RAPGEF5: variants seen among roughly 807,000 people sequenced by gnomAD.
RAPGEF5 encodes Rap guanine nucleotide exchange factor 5.
RAPGEF5 carries 65 observed loss-of-function variants against 125.2 expected under a neutral mutation model. The observed-to-expected ratio is 0.52, with a 90% CI of 0.43 to 0.64. The LOEUF is 0.64. RAPGEF5 is among the 30% of genes least tolerant of loss of function. RAPGEF5 has a pLI of 0.00. For synonymous variants in RAPGEF5, 391 were observed against 385.9 expected (o/e 1.01, Z -0.16); for missense variants, 958 against 1,048.1 (o/e 0.91, Z 1.19).
chr7:22,268,758 T>C (rs1349513602), intron 6 of RAPGEF5, among the ~76,000 whole-genome samples: 2 of 152,220 alleles, frequency 1.3e-5, no homozygotes, highest in Admixed American at 1.3e-4. Flanking sequence ...GCTTCCTCTT[T>C]TAATTTTCCA....
At position 22,125,528 on chromosome 7, in the gene RAPGEF5, C is replaced by T. The variant is rs1177349930; in HGVS notation, c.2536+76G>A. The stretch of plus-strand genomic sequence containing the variant: ...CTTTTCAATCTGTTTAAATTGATTA[C>T]CACCCAATACTTGTGACCACAGTTG... On this transcript the variant is annotated intron_variant, in intron 25 of 25. Transcript: ENST00000665637. 6 of 1,359,686 alleles carry T rather than the reference C, an allele frequency of 4.4e-6. No individual in the cohort carries two copies. In the African/African-American group the frequency reaches 7.2e-5, roughly 16 times the overall value. The allele number at this position is 1,359,686 out of a possible 1,614,324, so 84.2% of individuals were successfully genotyped here.
At chr7:22,263,834 TG>T (rs762180394) in intron 7 of RAPGEF5, among the ~76,000 whole-genome samples, 1 of 152,126 alleles carries the variant, frequency 6.6e-6, no homozygotes, top group African/African-American at 2.4e-5. Context: ...AAAAAATGTT[TG>T]GAAATAAAAT....
chr7:22,218,270 A>G (rs1454039742), intron 9 of RAPGEF5, among the ~76,000 whole-genome samples: 1 of 152,168 alleles, frequency 6.6e-6, no homozygotes, highest in East Asian at 1.9e-4. Context: ...TATCTTTTTA[A>G]TAAGTGCAAA....
chr7:22,124,865 C>CT (rs1427228492), intron 25 of RAPGEF5, among the ~76,000 whole-genome samples: 3 of 152,126 alleles, frequency 2.0e-5, no homozygotes, highest in African/African-American at 7.2e-5. Flanking sequence ...GTGAATCTCT[C>CT]TGAGTCTCTG....
chr7:22,158,615 A>C (rs1413109158), intron 14 of RAPGEF5, among the ~76,000 whole-genome samples: 1 of 152,146 alleles, frequency 6.6e-6, no homozygotes, highest in Non-Finnish European at 1.5e-5. Flanking sequence ...ATAATCTTAT[A>C]AAAATAGACA....
At chr7:22,181,160 C>A (rs967502124) in intron 11 of RAPGEF5, among the ~76,000 whole-genome samples, 1 of 151,970 alleles carries the variant, frequency 6.6e-6, no homozygotes, top group African/African-American at 2.4e-5. Flanking sequence ...ACAAAACATA[C>A]GACATGACAG....
intron 5 of RAPGEF5, among the ~76,000 whole-genome samples, chr7:22,301,614 CAAAAAAAAAAA>C (rs35404390): frequency 3.6e-5 from 3 of 83,798 alleles, no homozygotes; most frequent in East Asian, 6.6e-4. Flanking sequence ...GACTCTGTCT[CAAAAAAAAAAA>C]AAAAAAAAAA....
At chr7:22,300,080 T>C (rs889111815) in intron 5 of RAPGEF5, among the ~76,000 whole-genome samples, 3 of 152,164 alleles carry the variant, frequency 2.0e-5, no homozygotes, top group Admixed American at 1.3e-4. Flanking sequence ...ACCAATCTCT[T>C]TGTCCTCTCC....
chr7:22,265,549 CTGCAAT>C (rs1782261927), intron 7 of RAPGEF5, among the ~76,000 whole-genome samples: 1 of 152,122 alleles, frequency 6.6e-6, no homozygotes. Flanking sequence ...GTGAACAGCG[CTGCAAT>C]AAATATGGGA....
intron 20 of RAPGEF5, among the ~76,000 whole-genome samples, chr7:22,143,063 T>C (rs17765217): frequency 0.13 from 19,284 of 152,150 alleles, 1,305 homozygotes; most frequent in South Asian, 0.17. Context: ...CTGAGCTGGG[T>C]GGTATCATCT....
At chr7:22,264,718 C>T (rs1035957431) in intron 7 of RAPGEF5, among the ~76,000 whole-genome samples, 9 of 152,168 alleles carry the variant, frequency 5.9e-5, no homozygotes, top group African/African-American at 2.2e-4. Flanking sequence ...AGAGGCTTTC[C>T]AATCCCACTC....
chr7:22,307,467 G>A (rs921971809), intron 5 of RAPGEF5, among the ~76,000 whole-genome samples: 5 of 152,066 alleles, frequency 3.3e-5, no homozygotes, highest in Admixed American at 1.3e-4. Flanking sequence ...TTTTTTCTGT[G>A]TAGATAGTTG....
intron 5 of RAPGEF5, among the ~76,000 whole-genome samples, chr7:22,299,660 T>C (rs948447365): frequency 6.6e-6 from 1 of 152,244 alleles, no homozygotes; most frequent in African/African-American, 2.4e-5. Flanking sequence ...AGATTTCTTT[T>C]AGAAACAGTC....
intron 5 of RAPGEF5, chr7:22,298,511 C>G (rs893743535): frequency 6.6e-6 from 1 of 152,078 alleles, no homozygotes; most frequent in Non-Finnish European, 1.5e-5. Flanking sequence ...TTTGTCATGA[C>G]AGTGCTGGCC....
chr7:22,357,077 G>A lies in RAPGEF5; in HGVS notation c.-17C>T, dbSNP rs1441505781. ...CATCCTCATGCCCTGACGGCGCTGCGGCGCCGGGGGCTCCTCTCCACCGCG... is the reference window on the plus strand; with the variant it reads ...CATCCTCATGCCCTGACGGCGCTGCAGCGCCGGGGGCTCCTCTCCACCGCG... On this transcript the variant is annotated 5_prime_UTR_variant, in exon 1 of 26. Transcript: ENST00000665637. The A allele has an allele frequency of 6.8e-6, 7 of 1,027,194 alleles. No individual in the cohort carries two copies. Among genetic ancestry groups the A allele is most frequent in the Non-Finnish European group, 7.0e-6 (6 of 856,730 alleles). 63.6% of individuals were successfully genotyped at this position (1,027,194 alleles called of 1,614,324 possible).
At chr7:22,323,205 A>C (rs1783750722) in intron 1 of RAPGEF5, among the ~76,000 whole-genome samples, 1 of 152,226 alleles carries the variant, frequency 6.6e-6, no homozygotes, top group Admixed American at 6.5e-5. Flanking sequence ...TACCCTTTTA[A>C]TGGCATCCAT....
chr7:22,157,149 C>T (rs1783836632), intron 15 of RAPGEF5, among the ~76,000 whole-genome samples: 1 of 152,226 alleles, frequency 6.6e-6, no homozygotes, highest in Admixed American at 6.5e-5. Flanking sequence ...CATGATTTTT[C>T]ACATCTGGCT....
intron 7 of RAPGEF5, among the ~76,000 whole-genome samples, chr7:22,240,520 C>T (rs867375413): frequency 4.6e-5 from 7 of 151,936 alleles, no homozygotes; most frequent in African/African-American, 1.4e-4. Context: ...TACAGGTGCC[C>T]ACCACCATGC....
intron 1 of RAPGEF5, among the ~76,000 whole-genome samples, chr7:22,340,321 C>G (rs1316556786): frequency 6.6e-6 from 1 of 152,150 alleles, no homozygotes; most frequent in African/African-American, 2.4e-5. Flanking sequence ...ACAGGAACCA[C>G]AAAGCCAAAG....
Sources: allele counts gnomAD v4.1 joint callset (sites outside exome capture counted in the v4.1 genomes callset), GRCh38; gene constraint gnomAD v4.1.1; transcripts MANE v1.5; gene names NCBI Gene and HGNC (gene_info 2026-07-23, HGNC 2026-07-21).